MAD1L1: variants seen among roughly 807,000 people sequenced by gnomAD.
The protein encoded by MAD1L1 is mitotic arrest deficient 1 like 1.
In MAD1L1, 95 loss-of-function variants were observed where a neutral mutation model predicts 96.9. That is an observed-to-expected ratio of 0.98 (90% CI 0.83 to 1.16). The LOEUF (loss-of-function observed/expected upper bound fraction) is 1.16. Among genes scored for constraint, MAD1L1 ranks in the 50% most tolerant of loss-of-function variants. MAD1L1 has a pLI of 0.00. For missense variants in MAD1L1, 1,007 were observed against 954.4 expected (o/e 1.06, Z -0.73); for synonymous variants, 473 against 396.6 (o/e 1.19, Z -2.29).
intron 13 of MAD1L1, among the ~76,000 whole-genome samples, chr7:2,008,940 G>A (rs370935854): frequency 9.2e-5 from 14 of 152,344 alleles, no homozygotes; most frequent in African/African-American, 3.4e-4. Flanking sequence ...ACACCAGGGA[G>A]CACTGAGGGG....
At chr7:1,952,868 C>T (rs1779563151) in intron 16 of MAD1L1, among the ~76,000 whole-genome samples, 1 of 152,222 alleles carries the variant, frequency 6.6e-6, no homozygotes, top group Non-Finnish European at 1.5e-5. Context: ...GAGCCACATG[C>T]GTTACTAAGA....
chr7:2,216,045 G>T (rs1793256524), intron 8 of MAD1L1, 46 bp from the exon 9 acceptor site: 4 of 1,611,700 alleles, frequency 2.5e-6, no homozygotes, highest in African/African-American at 2.7e-5. Flanking sequence ...ACACCCTAGG[G>T]ATAAGGCCAA....
intron 12 of MAD1L1, among the ~76,000 whole-genome samples, chr7:2,060,266 C>CGCCGAT (rs1445754319): frequency 0.016 from 2,325 of 147,036 alleles, 39 homozygotes; most frequent in Non-Finnish European, 0.027. Context: ...TGCCGAGATA[C>CGCCGAT]GCCGATGCCG....
chr7:2,030,897 C>G (rs955221970), intron 12 of MAD1L1, among the ~76,000 whole-genome samples: 1 of 152,196 alleles, frequency 6.6e-6, no homozygotes, highest in African/African-American at 2.4e-5. Context: ...CTCCCTTGTT[C>G]CCATTCCATC....
At chr7:2,215,029 C>T (rs1793186879) in intron 9 of MAD1L1, among the ~76,000 whole-genome samples, 1 of 152,056 alleles carries the variant, frequency 6.6e-6, no homozygotes, top group Admixed American at 6.6e-5. Context: ...CCCAGGAGTT[C>T]AGGACCAGCC....
chr7:2,086,193 G>T (rs1163489577), intron 11 of MAD1L1, among the ~76,000 whole-genome samples: 1 of 152,228 alleles, frequency 6.6e-6, no homozygotes, highest in Non-Finnish European at 1.5e-5. Context: ...CAGGCCCAGT[G>T]AGGACAAGAT....
chr7:2,217,164 C>T (rs1793329617), intron 7 of MAD1L1, among the ~76,000 whole-genome samples: 1 of 152,204 alleles, frequency 6.6e-6, no homozygotes, highest in Non-Finnish European at 1.5e-5. Context: ...TCAGTCTTTC[C>T]AATAGTGAGG....
At chr7:2,207,732 C>G (rs1792674384) in intron 10 of MAD1L1, among the ~76,000 whole-genome samples, 1 of 152,212 alleles carries the variant, frequency 6.6e-6, no homozygotes, top group Admixed American at 6.5e-5. Context: ...TAATGAAACC[C>G]AAGGAGTGGG....
chr7:1,919,578 C>A (rs945379320), intron 17 of MAD1L1, among the ~76,000 whole-genome samples: 3 of 152,262 alleles, frequency 2.0e-5, no homozygotes, highest in African/African-American at 7.2e-5. Flanking sequence ...TGCACGGGCC[C>A]AGAGGCCAAT....
intron 18 of MAD1L1, among the ~76,000 whole-genome samples, chr7:1,826,963 T>A (rs936722263): frequency 2.0e-5 from 3 of 152,012 alleles, no homozygotes; most frequent in Non-Finnish European, 4.4e-5. Context: ...AACCAACAAT[T>A]ATTATTATTA....
At chr7:2,192,669 G>A (rs1791786067) in intron 10 of MAD1L1, among the ~76,000 whole-genome samples, 1 of 152,136 alleles carries the variant, frequency 6.6e-6, no homozygotes, top group Non-Finnish European at 1.5e-5. Flanking sequence ...GGAAGGGCGG[G>A]GAGAAGGGTG....
chr7:1,908,452 G>GAAA (rs1787811580), intron 17 of MAD1L1, among the ~76,000 whole-genome samples: 1 of 151,662 alleles, frequency 6.6e-6, no homozygotes, highest in East Asian at 1.9e-4. Context: ...CGCGATCGTG[G>GAAA]CTCACTGTAG....
At chr7:1,853,773 A>C (rs1784099273) in intron 18 of MAD1L1, among the ~76,000 whole-genome samples, 1 of 151,986 alleles carries the variant, frequency 6.6e-6, no homozygotes, top group Non-Finnish European at 1.5e-5. Flanking sequence ...CTCGCCTGCA[A>C]GGGGCCCTGC....
intron 18 of MAD1L1, among the ~76,000 whole-genome samples, chr7:1,893,019 C>G (rs1449686125): frequency 2.0e-5 from 3 of 152,166 alleles, no homozygotes; most frequent in Non-Finnish European, 4.4e-5. Flanking sequence ...AGGAGTGCAG[C>G]CGGGATGGAG....
At chr7:2,012,226 G>A (rs1782336363) in intron 13 of MAD1L1, among the ~76,000 whole-genome samples, 3 of 152,240 alleles carry the variant, frequency 2.0e-5, no homozygotes, top group African/African-American at 7.2e-5. Context: ...GTCCCTGACA[G>A]CCCTGATCGC....
chr7:1,938,554 G>A (rs1562541927), intron 16 of MAD1L1, among the ~76,000 whole-genome samples: 1 of 151,818 alleles, frequency 6.6e-6, no homozygotes, highest in Non-Finnish European at 1.5e-5. Flanking sequence ...ATACGAAGAA[G>A]TCAGAAATAA....
intron 13 of MAD1L1, among the ~76,000 whole-genome samples, chr7:2,012,635 C>T (rs552297201): frequency 2.6e-5 from 4 of 152,340 alleles, no homozygotes; most frequent in South Asian, 4.1e-4. Flanking sequence ...CAGAAGAACA[C>T]ACCAGGGGGC....
At chr7:2,087,326 G>T (rs779527746) in intron 11 of MAD1L1, among the ~76,000 whole-genome samples, 12 of 152,164 alleles carry the variant, frequency 7.9e-5, no homozygotes, top group Non-Finnish European at 1.2e-4. Context: ...GATCACTTGA[G>T]GTCAGGAGTT....
chr7:1,828,933 G>A (rs1782564687), intron 18 of MAD1L1, among the ~76,000 whole-genome samples: 1 of 152,160 alleles, frequency 6.6e-6, no homozygotes, highest in Non-Finnish European at 1.5e-5. Context: ...CAACAAGTAC[G>A]GGGGACGGAT....
Sources: allele counts gnomAD v4.1 joint callset (sites outside exome capture counted in the v4.1 genomes callset), GRCh38; gene constraint gnomAD v4.1.1; transcripts MANE v1.5; gene names NCBI Gene and HGNC (gene_info 2026-07-23, HGNC 2026-07-21).